Variants in SLC22A15 observed in about 807,000 individuals in gnomAD.
SLC22A15 encodes solute carrier family 22 member 15, also known as flipt 1.
A neutral mutation model predicts 62.7 loss-of-function variants in SLC22A15; 45 were observed. The ratio of observed to expected loss-of-function variants is 0.72; its 90% CI spans 0.56 to 0.92. The LOEUF (loss-of-function observed/expected upper bound fraction) is 0.92. Among genes scored for constraint, SLC22A15 ranks in the 40% least tolerant of loss-of-function variants. The pLI is 0.00. For missense variants in SLC22A15, 622 were observed against 665.6 expected (o/e 0.93, Z 0.72); for synonymous variants, 264 against 267.0 (o/e 0.99, Z 0.11).
chr1:115,983,574 G>A (rs1307126225), intron 1 of SLC22A15, among the ~76,000 whole-genome samples: 2 of 152,178 alleles, frequency 1.3e-5, no homozygotes, highest in Non-Finnish European at 1.5e-5. Flanking sequence ...TGTTGTCTTC[G>A]TGTGTGATGT....
In SLC22A15 at chr1:115,992,239, C is replaced by T. The variant is rs536082575; in HGVS notation, c.296C>T (p.Ser99Leu). Residue 99 changes from serine to leucine, a missense_variant, in exon 2 of 12, where the codon TCG (serine) becomes TTG (leucine). By Grantham distance (145) the Ser-to-Leu change is moderately radical. Transcript: ENST00000369503. The part of the protein sequence containing the change: ...HFSSSFTSIA[S>L]EWFLIANRSY... ...AGCAGCAGCTTCACCTCCATCGCCT[C>T]GGAGGTAACAACAGGCTGTTTCAAT... 21 of 1,575,478 alleles carry T rather than the reference C, an allele frequency of 1.3e-5. No individual in the cohort carries two copies. The highest frequency in any genetic ancestry group is 6.7e-5 in the African/African-American group (5 of 74,138).
intron 2 of SLC22A15, among the ~76,000 whole-genome samples, chr1:115,994,938 C>T (rs1489537648): frequency 6.6e-6 from 1 of 152,180 alleles, no homozygotes; most frequent in Non-Finnish European, 1.5e-5. Context: ...TCACACATGA[C>T]ATTTAGTTGT....
intron 7 of SLC22A15, among the ~76,000 whole-genome samples, chr1:116,036,398 T>G (rs1657629582): frequency 6.6e-6 from 1 of 152,136 alleles, no homozygotes; most frequent in Non-Finnish European, 1.5e-5. Flanking sequence ...TATTGACTGT[T>G]AAATTAAGCA....
rs1177157642 is a variant in SLC22A15, at chr1:116,028,523, C to CT, written c.728+1526dup. 8.2e-3 allele frequency among the ~76,000 whole-genome samples: 689 copies of CT among 83,948 alleles called. 6 individuals are homozygous for CT. The highest frequency in any genetic ancestry group is 0.012 in the African/African-American group (249 of 21,308). The allele number at this position is 83,948 out of a possible 152,430, so 55.1% of individuals were successfully genotyped here. On this transcript the variant is annotated intron_variant, in intron 5 of 11. Coordinates refer to ENST00000369503, the MANE Select transcript of SLC22A15 (RefSeq NM_018420.3). ...TCACTGGATGATCTGAGCTGTTCTG[C>CT]TTTTTTTTTTTTTTTTTTTTTTTTT... is the stretch of plus-strand genomic sequence containing the variant.
At chr1:116,056,750 C>A (rs991575639) in intron 8 of SLC22A15, among the ~76,000 whole-genome samples, 1 of 152,106 alleles carries the variant, frequency 6.6e-6, no homozygotes, top group Non-Finnish European at 1.5e-5. Flanking sequence ...GATGTAACGC[C>A]GCATATCTAC....
rs529042768 is a variant in SLC22A15 at position 116,068,543 on chromosome 1, C to T, written c.*1435C>T. The T allele has an allele frequency of 6.6e-6, 1 of 152,142 alleles. No individual in the cohort carries two copies. The highest frequency in any genetic ancestry group is 2.4e-5 in the African/African-American group (1 of 41,436). The allele number at this position is 152,142 out of a possible 1,614,324, so 9.4% of individuals were successfully genotyped here. A position where few individuals can be genotyped will look rare whatever the true frequency, so the allele number is the denominator to read the frequency against. On this transcript the variant is annotated 3_prime_UTR_variant, in exon 12 of 12. Coordinates refer to ENST00000369503, the MANE Select transcript of SLC22A15 (RefSeq NM_018420.3). Reference sequence around the variant, plus strand: ...ACCTTTGTAATTGTTATTTTTATGTCTTTTATGCCCTTGATTATTAGTTGG... The same window carrying T: ...ACCTTTGTAATTGTTATTTTTATGTTTTTTATGCCCTTGATTATTAGTTGG...
chr1:115,984,929 G>A (rs1202250672), intron 1 of SLC22A15, among the ~76,000 whole-genome samples: 4 of 152,160 alleles, frequency 2.6e-5, no homozygotes, highest in African/African-American at 9.7e-5. Context: ...ATGTGTTTGT[G>A]TTTTTAGCTC....
chr1:115,994,071 C>T (rs754479130), intron 2 of SLC22A15, among the ~76,000 whole-genome samples: 5 of 152,074 alleles, frequency 3.3e-5, no homozygotes, highest in African/African-American at 7.2e-5. Flanking sequence ...TTTATTTGCA[C>T]GTATGTTACA....
At chr1:115,999,921 A>C (rs901882477) in intron 2 of SLC22A15, among the ~76,000 whole-genome samples, 1 of 152,076 alleles carries the variant, frequency 6.6e-6, no homozygotes, top group African/African-American at 2.4e-5. Flanking sequence ...ACATATAGCT[A>C]TTCCTGCCCT....
chr1:116,031,549 G>A lies in SLC22A15; in HGVS notation c.912G>A (p.Leu304=). 6.2e-7 allele frequency: 1 copy of A among 1,613,976 alleles called. No homozygotes were observed. Among genetic ancestry groups the A allele is most frequent in the Non-Finnish European group, 8.5e-7 (1 of 1,179,870 alleles). ...TGGATCTCTTTCGTTACCGGGTCCT[G>A]TTAGGACACACTTTGATCCTGATGT... The part of the protein sequence containing the change: ...SFLDLFRYRV[L]LGHTLILMFI... The change falls in exon 6 of 12, where the codon CTG becomes CTA. Residue 304 remains leucine, a synonymous_variant. Transcript: ENST00000369503.
intron 8 of SLC22A15, 149 bp from the exon 9 acceptor site, chr1:116,062,613 C>A: frequency 1.2e-6 from 1 of 867,756 alleles, no homozygotes. Flanking sequence ...TGTGTGATTA[C>A]TAAACCTTCT....
chr1:116,041,043 G>C lies in SLC22A15; in HGVS notation c.1171+3655G>C, dbSNP rs556170758. Among the ~76,000 whole-genome samples, 25 of 152,326 alleles carry C rather than the reference G, an allele frequency of 1.6e-4. No homozygotes were observed. In the Middle Eastern group the frequency reaches 0.017, roughly 104 times the overall value. ...GACTTGGCCAGTGTTGAAGAACCTG[G>C]GTTATCAGAGTGGCATTGGGCTCTC... On this transcript the variant is annotated intron_variant, in intron 8 of 11. Transcript: ENST00000369503.
chr1:116,067,123 C>T lies in SLC22A15; in HGVS notation c.*15C>T. The T allele has an allele frequency of 6.3e-7, 1 of 1,599,952 alleles. No homozygotes were observed. The highest frequency in any genetic ancestry group is 8.5e-7 in the Non-Finnish European group (1 of 1,170,934). ...TGATCAAGTGAAGAGCCCCAGATTC[C>T]CCCTAAGAAGCAAAGGATCGTCTTT... On this transcript the variant is annotated 3_prime_UTR_variant, in exon 12 of 12. Coordinates refer to ENST00000369503, the MANE Select transcript of SLC22A15 (RefSeq NM_018420.3).
intron 8 of SLC22A15, among the ~76,000 whole-genome samples, chr1:116,043,596 A>G (rs1025395816): frequency 2.0e-5 from 3 of 152,278 alleles, no homozygotes; most frequent in Non-Finnish European, 2.9e-5. Flanking sequence ...AAGAAGAGCT[A>G]ATTAAGCACA....
chr1:115,989,681 C>T (rs934351655), intron 1 of SLC22A15, among the ~76,000 whole-genome samples: 2 of 151,368 alleles, frequency 1.3e-5, no homozygotes, highest in African/African-American at 2.4e-5. Context: ...CTCGGGAGGC[C>T]GAGGCATGAG....
chr1:116,037,005 G>A (rs1453303777), intron 7 of SLC22A15, among the ~76,000 whole-genome samples: 1 of 152,072 alleles, frequency 6.6e-6, no homozygotes, highest in Non-Finnish European at 1.5e-5. Context: ...GATAATAGAT[G>A]GTAAACATTT....
At chr1:116,056,782 G>C (rs572006826) in intron 8 of SLC22A15, among the ~76,000 whole-genome samples, 29 of 152,274 alleles carry the variant, frequency 1.9e-4, no homozygotes, top group Middle Eastern at 3.4e-3. Flanking sequence ...CTTTGACAAA[G>C]CTGAGAAAAA....
chr1:116,054,966 T>C (rs566343138), intron 8 of SLC22A15, among the ~76,000 whole-genome samples: 1 of 151,556 alleles, frequency 6.6e-6, no homozygotes, highest in African/African-American at 2.4e-5. Flanking sequence ...AGATCCAAAA[T>C]TGACACCCTA....
At chr1:116,044,338 G>A (rs986405771) in intron 8 of SLC22A15, among the ~76,000 whole-genome samples, 20 of 152,324 alleles carry the variant, frequency 1.3e-4, no homozygotes, top group Non-Finnish European at 2.5e-4. Context: ...TTTGGCTTAC[G>A]CCTGTAATCC....
Sources: gnomAD v4.1 joint callset for allele counts (sites outside exome capture counted in the v4.1 genomes callset) on GRCh38, gnomAD v4.1.1 for gene constraint, MANE v1.5 for transcripts, NCBI Gene and HGNC (gene_info 2026-07-23, HGNC 2026-07-21) for gene names.